Variants in TAMM41 observed in about 807,000 individuals in gnomAD.
TAMM41 encodes TAM41 mitochondrial translocator assembly and maintenance homolog, also known as phosphatidate cytidylyltransferase, mitochondrial.
In TAMM41, 36 loss-of-function variants were observed where a neutral mutation model predicts 44.1. The observed-to-expected ratio is 0.82, with a 90% confidence interval of 0.63 to 1.08. The LOEUF (loss-of-function observed/expected upper bound fraction) is 1.08. TAMM41 is among the 50% of genes least tolerant of loss of function. The probability of loss-of-function intolerance (pLI) is 0.00; values close to 1 mark genes in which losing one functional copy is unlikely to be tolerated. For missense variants in TAMM41, 417 were observed against 404.3 expected (o/e 1.03, Z -0.27); for synonymous variants, 164 against 153.1 (o/e 1.07, Z -0.53).
At chr3:11,790,711 AC>A in intron 7 of TAMM41, 130 bp from the exon 8 acceptor site, 1 of 727,970 alleles carries the variant, frequency 1.4e-6, no homozygotes, top group Non-Finnish European at 2.4e-6. Context: ...GCTCTAGGAG[AC>A]CAGGGAGCTG....
At chr3:11,752,639 T>G in the TAMM41 span, among the ~76,000 whole-genome samples, 1 of 120,804 alleles carries the variant, frequency 8.3e-6, no homozygotes, top group South Asian at 3.2e-4. Flanking sequence ...TTTTTTTTTT[T>G]TTTTTTTTTT....
chr3:11,746,836 A>G, the TAMM41 span, among the ~76,000 whole-genome samples: 7 of 148,668 alleles, frequency 4.7e-5, no homozygotes, highest in Non-Finnish European at 7.4e-5. Context: ...GGGTCTCAGT[A>G]TGTTGCCTAG....
chr3:11,820,227 T>TCGGTTC (rs1274245960), intron 4 of TAMM41, among the ~76,000 whole-genome samples: 1 of 152,214 alleles, frequency 6.6e-6, no homozygotes, highest in East Asian at 1.9e-4. Flanking sequence ...GTCATCAAAT[T>TCGGTTC]CTGACTCTAA....
At chr3:11,748,737 C>T in the TAMM41 span, among the ~76,000 whole-genome samples, 1 of 152,020 alleles carries the variant, frequency 6.6e-6, no homozygotes, top group African/African-American at 2.4e-5. Context: ...GGGACAGAAA[C>T]TGACATTTTT....
intron 1 of TAMM41, among the ~76,000 whole-genome samples, chr3:11,845,959 G>T (rs556793244): frequency 6.6e-6 from 1 of 152,204 alleles, no homozygotes; most frequent in Non-Finnish European, 1.5e-5. Context: ...CACCTGCCCT[G>T]GCCCTACAAC....
the TAMM41 span, among the ~76,000 whole-genome samples, chr3:11,734,878 C>CAAAAAAAAAAAAA: frequency 2.7e-5 from 2 of 73,306 alleles, no homozygotes; most frequent in African/African-American, 1.0e-4. Flanking sequence ...TACTAAAATA[C>CAAAAAAAAAAAAA]AAAAAAAAAA....
At chr3:11,809,394 C>T in intron 6 of TAMM41, 123 bp downstream of exon 6, 1 of 1,158,560 alleles carries the variant, frequency 8.6e-7, no homozygotes. Flanking sequence ...GTGCTTTCTT[C>T]TTCTGAGAGG....
At chr3:11,772,516 G>T in the TAMM41 span, among the ~76,000 whole-genome samples, 44 of 152,144 alleles carry the variant, frequency 2.9e-4, no homozygotes, top group Non-Finnish European at 4.9e-4. Flanking sequence ...TGCTGCAAAA[G>T]ACGTGATTTC....
At chr3:11,836,973 T>A (rs781046143) in intron 3 of TAMM41, among the ~76,000 whole-genome samples, 1 of 152,256 alleles carries the variant, frequency 6.6e-6, no homozygotes, top group Non-Finnish European at 1.5e-5. Flanking sequence ...AAGTAAAAGT[T>A]ACAGTGAAGT....
At chr3:11,740,703 TTAGGGGCGCCCG>T in the TAMM41 span, among the ~76,000 whole-genome samples, 5 of 151,730 alleles carry the variant, frequency 3.3e-5, no homozygotes, top group African/African-American at 1.2e-4. Context: ...GTAGCTGGGA[TTAGGGGCGCCCG>T]CCACCGCGCC....
At chr3:11,808,241 A>C in intron 6 of TAMM41, 1 of 1,098,516 alleles carries the variant, frequency 9.1e-7, no homozygotes, top group Non-Finnish European at 1.1e-6. Context: ...CCATAACATG[A>C]AAAGATAAAA....
At chr3:11,829,592 AAG>A in intron 4 of TAMM41, 120 bp downstream of exon 4, 1 of 1,172,692 alleles carries the variant, frequency 8.5e-7, no homozygotes, top group Non-Finnish European at 1.2e-6. Flanking sequence ...GGAACCACTC[AAG>A]AGTGACGTGA....
intron 7 of TAMM41, among the ~76,000 whole-genome samples, chr3:11,799,107 C>A (rs1389608255): frequency 6.6e-6 from 1 of 151,826 alleles, no homozygotes; most frequent in Non-Finnish European, 1.5e-5. Flanking sequence ...TCCTTTAGAC[C>A]CAGGTACTTG....
chr3:11,756,822 G>A, the TAMM41 span, among the ~76,000 whole-genome samples: 7 of 147,046 alleles, frequency 4.8e-5, no homozygotes, highest in Non-Finnish European at 1.0e-4. Flanking sequence ...CTGAGATTGC[G>A]CCACTGCACT....
chr3:11,760,298 G>T, the TAMM41 span, among the ~76,000 whole-genome samples: 1 of 152,148 alleles, frequency 6.6e-6, no homozygotes, highest in African/African-American at 2.4e-5. Context: ...CTCCCTGGAG[G>T]CCTCCTAAAA....
chr3:11,789,866 T>C (rs2077442843), downstream of TAMM41, among the ~76,000 whole-genome samples: 1 of 152,162 alleles, frequency 6.6e-6, no homozygotes, highest in Non-Finnish European at 1.5e-5. Flanking sequence ...GGCAGAGAGA[T>C]GGAGAGAAAC....
chr3:11,823,932 TCTC>T (rs2078635628), intron 4 of TAMM41, among the ~76,000 whole-genome samples: 1 of 150,782 alleles, frequency 6.6e-6, no homozygotes, highest in East Asian at 2.0e-4. Flanking sequence ...GTCAAGCTAG[TCTC>T]CTGCCTCAGC....
chr3:11,790,625 G>A (rs752008035), intron 7 of TAMM41, 44 bp from the exon 8 acceptor site: 10 of 1,516,738 alleles, frequency 6.6e-6, no homozygotes, highest in Middle Eastern at 1.7e-4. Flanking sequence ...GAGGCTTGTT[G>A]AGTGGATGCT....
At chr3:11,764,640 C>A in the TAMM41 span, among the ~76,000 whole-genome samples, 4 of 151,330 alleles carry the variant, frequency 2.6e-5, no homozygotes. Flanking sequence ...CTACAGGTGC[C>A]CGCCACCACG....
Sources: gnomAD v4.1 joint callset for allele counts (sites outside exome capture counted in the v4.1 genomes callset) on GRCh38, gnomAD v4.1.1 for gene constraint, MANE v1.5 for transcripts, NCBI Gene and HGNC (gene_info 2026-07-23, HGNC 2026-07-21) for gene names.